Variants in GNPTAB observed in about 807,000 individuals in gnomAD.
GNPTAB encodes N-acetylglucosamine-1-phosphotransferase subunits alpha/beta.
A neutral mutation model predicts 136.6 loss-of-function variants in GNPTAB; 92 were observed. That is an observed-to-expected ratio of 0.67 (90% CI 0.57 to 0.80). GNPTAB has a LOEUF of 0.80. Ranked by LOEUF, GNPTAB falls within the 30% of genes least tolerant of loss-of-function variation. GNPTAB has a pLI of 0.00. For missense variants in GNPTAB, 1,343 were observed against 1,501.8 expected, an observed-to-expected ratio of 0.89 and a Z score of 1.75; for synonymous variants, 512 against 535.1, an observed-to-expected ratio of 0.96 and a Z score of 0.60.
chr12:101,821,068 A>G (rs1870771784), intron 1 of GNPTAB, among the ~76,000 whole-genome samples: 1 of 151,724 alleles, frequency 6.6e-6, no homozygotes, highest in African/African-American at 2.4e-5. Context: ...AAAAAAAAAA[A>G]AAAAAAAAAA....
chr12:101,755,644 G>C (rs557718538), intron 18 of GNPTAB, among the ~76,000 whole-genome samples: 17 of 152,338 alleles, frequency 1.1e-4, no homozygotes. Flanking sequence ...GTCTATCCCA[G>C]ACTCCCTGTT....
At chr12:101,754,771 A>G (rs537935654) in intron 18 of GNPTAB, among the ~76,000 whole-genome samples, 22 of 152,310 alleles carry the variant, frequency 1.4e-4, no homozygotes, top group African/African-American at 5.3e-4. Flanking sequence ...AACCTGATAA[A>G]GCCTTCAGAT....
intron 1 of GNPTAB, among the ~76,000 whole-genome samples, chr12:101,798,587 C>T (rs1869433313): frequency 6.6e-6 from 1 of 152,172 alleles, no homozygotes; most frequent in African/African-American, 2.4e-5. Context: ...ACAGACTGTA[C>T]ATGGTACCGT....
chr12:101,821,973 T>C (rs571824392), intron 1 of GNPTAB, among the ~76,000 whole-genome samples: 2 of 152,272 alleles, frequency 1.3e-5, no homozygotes, highest in South Asian at 4.1e-4. Flanking sequence ...CTCCCATTAT[T>C]ATCAGATTCT....
At chr12:101,781,653 T>C (rs555100867) in intron 5 of GNPTAB, among the ~76,000 whole-genome samples, 15 of 152,040 alleles carry the variant, frequency 9.9e-5, no homozygotes, top group Non-Finnish European at 4.4e-5. Flanking sequence ...CACTGCACTC[T>C]AGCCTGGGTG....
intron 1 of GNPTAB, among the ~76,000 whole-genome samples, chr12:101,822,453 T>C (rs1250450845): frequency 1.3e-5 from 2 of 152,174 alleles, no homozygotes; most frequent in African/African-American, 4.8e-5. Context: ...CTCTAACACC[T>C]GCACAACATC....
rs1953091139 is a variant in GNPTAB at position 101,766,231 on chromosome 12, T to A, written c.1472A>T (p.Gln491Leu). 1 of 1,614,058 alleles carries A rather than the reference T, an allele frequency of 6.2e-7. No homozygotes were observed. Among genetic ancestry groups the A allele is most frequent in the African/African-American group, 1.3e-5 (1 of 74,940 alleles). Residue 491 changes from glutamine to leucine, a missense_variant, in exon 12 of 21, where the codon CAG (glutamine) becomes CTG (leucine). Gln to Leu is a moderately radical substitution (Grantham distance 113). Coordinates refer to ENST00000299314, the MANE Select transcript of GNPTAB (RefSeq NM_024312.5). ...GGGTGSIGVG[Q>L]PWQFGGGINS... ...TATTCCTCCACCAAACTGCCAGGGCTGTCCAACTCCAATACTCCCAGTACC... is the reference window on the plus strand; with the variant it reads ...TATTCCTCCACCAAACTGCCAGGGCAGTCCAACTCCAATACTCCCAGTACC...
intron 1 of GNPTAB, among the ~76,000 whole-genome samples, chr12:101,830,170 A>G (rs1397159135): frequency 6.6e-6 from 1 of 152,168 alleles, no homozygotes; most frequent in African/African-American, 2.4e-5. Context: ...AGAAGGGAGG[A>G]TCACTTGAGC....
At chr12:101,800,075 T>C (rs1434627892) in intron 1 of GNPTAB, among the ~76,000 whole-genome samples, 3 of 152,236 alleles carry the variant, frequency 2.0e-5, no homozygotes, top group Non-Finnish European at 4.4e-5. Context: ...ACAGGGCTTA[T>C]AAGGTTCTTA....
At chr12:101,756,455 G>A (rs1594206436) in intron 18 of GNPTAB, 1 of 398,624 alleles carries the variant, frequency 2.5e-6, no homozygotes, top group Non-Finnish European at 4.9e-6. Context: ...CATGTCTGTG[G>A]TTCCACTAGT....
intron 11 of GNPTAB, chr12:101,767,803 A>C: frequency 1.6e-6 from 1 of 619,330 alleles, no homozygotes; most frequent in South Asian, 1.9e-5. Flanking sequence ...TTTTTGATAG[A>C]GATGGGGTCT....
chr12:101,763,079 A>T (rs1443852308), intron 13 of GNPTAB, among the ~76,000 whole-genome samples: 1 of 151,894 alleles, frequency 6.6e-6, no homozygotes, highest in Non-Finnish European at 1.5e-5. Context: ...AAAATTGGCC[A>T]GGCATGCTGG....
chr12:101,746,920 G>A lies in GNPTAB; in HGVS notation c.*244C>T, dbSNP rs1243462200. On this transcript the variant is annotated 3_prime_UTR_variant, in exon 21 of 21. Coordinates refer to ENST00000299314, the MANE Select transcript of GNPTAB (RefSeq NM_024312.5). ...AGCCTTTTTATAAAAAGGATGACAG[G>A]TCCATGAGCAAATTCTTTAAAAGTA... 2 of 460,734 alleles carry A rather than the reference G, an allele frequency of 4.3e-6. No individual in the cohort carries two copies. Among genetic ancestry groups the A allele is most frequent in the African/African-American group, 2.0e-5 (1 of 50,756 alleles). 28.5% of individuals were successfully genotyped at this position (460,734 alleles called of 1,614,324 possible). A position where few individuals can be genotyped will look rare whatever the true frequency, so the allele number is the denominator to read the frequency against.
chr12:101,797,453 C>T (rs768514010), intron 1 of GNPTAB, among the ~76,000 whole-genome samples: 3 of 152,042 alleles, frequency 2.0e-5, no homozygotes, highest in Admixed American at 1.3e-4. Context: ...GGTGAAACCC[C>T]GTCTCTACTA....
rs34261197 is a variant in GNPTAB, at chr12:101,787,913, C to CAAAAAAAAAAAAAAAAAAAA, written c.365+634_365+635insTTTTTTTTTTTTTTTTTTTT. On this transcript the variant is annotated intron_variant, in intron 4 of 20. Coordinates refer to ENST00000299314, the MANE Select transcript of GNPTAB (RefSeq NM_024312.5). ...GGACAACAAGAGCAAAACTCCGTCT[C>CAAAAAAAAAAAAAAAAAAAA]AAAAAAAAAAAAAAAAAGGCACTTC... 1.6e-5 allele frequency among the ~76,000 whole-genome samples: 2 copies of CAAAAAAAAAAAAAAAAAAAA among 126,916 alleles called. 1 individual carries two copies. The allele number at this position is 126,916 out of a possible 152,430, so 83.3% of individuals were successfully genotyped here.
intron 1 of GNPTAB, among the ~76,000 whole-genome samples, chr12:101,801,539 CAAAAAAAAAA>C (rs36066248): frequency 2.6e-4 from 11 of 42,596 alleles, no homozygotes; most frequent in South Asian, 6.4e-4. Flanking sequence ...GACCCTGTCT[CAAAAAAAAAA>C]AAAAAAAAAA....
chr12:101,780,059 T>G, intron 7 of GNPTAB, 93 bp downstream of exon 7: 1 of 1,273,796 alleles, frequency 7.9e-7, no homozygotes, highest in Non-Finnish European at 1.1e-6. Flanking sequence ...GTTTATCAGC[T>G]AAACTTTGGG....
intron 11 of GNPTAB, chr12:101,767,782 T>G: frequency 1.6e-6 from 1 of 608,672 alleles, no homozygotes. Flanking sequence ...ACCACCACAC[T>G]TGGCTAATTT....
At position 101,830,951 on chromosome 12, in the gene GNPTAB, G is replaced by A. The variant is rs1566106340; in HGVS notation, c.-276C>T. On this transcript the variant is annotated 5_prime_UTR_variant, in exon 1 of 21. Transcript: ENST00000299314. Reference sequence around the variant, plus strand: ...GCCGCCCGGGTCTGGCCGGGCGAGAGGCGGCTGCGGCGGCGGCGGGGTCTC... The same window carrying A: ...GCCGCCCGGGTCTGGCCGGGCGAGAAGCGGCTGCGGCGGCGGCGGGGTCTC... 6.7e-6 allele frequency: 1 copy of A among 149,750 alleles called. No homozygotes were observed. Among genetic ancestry groups the A allele is most frequent in the African/African-American group, 2.4e-5 (1 of 41,184 alleles). 9.3% of individuals were successfully genotyped at this position (149,750 alleles called of 1,614,324 possible).
Sources: gnomAD v4.1 joint callset for allele counts (sites outside exome capture counted in the v4.1 genomes callset) on GRCh38, gnomAD v4.1.1 for gene constraint, MANE v1.5 for transcripts, NCBI Gene and HGNC (gene_info 2026-07-23, HGNC 2026-07-21) for gene names.